The following NMBR variants were observed in gnomAD, a reference collection of about 807,000 sequenced individuals.
NMBR encodes neuromedin B receptor.
In NMBR, 16 loss-of-function variants were observed where a neutral mutation model predicts 20.5. That is an observed-to-expected ratio of 0.78 (90% CI 0.53 to 1.19). The LOEUF (loss-of-function observed/expected upper bound fraction) is 1.19. NMBR is among the 50% of genes most tolerant of loss of function. The pLI, the probability that NMBR is intolerant of heterozygous loss-of-function variation, is 0.00. For missense variants in NMBR, 582 were observed against 499.1 expected (o/e 1.17, Z -1.58); for synonymous variants, 212 against 196.6 (o/e 1.08, Z -0.65).
rs376895854 is a variant in NMBR at position 142,096,402 on chromosome 6, C to T, written c.-663-7081G>A. Reference sequence around the variant, plus strand: ...AACATCTTTATTTCTGCCTTCATTTCGTTATGTACCCAGTAGTCATTCAGG... The same window carrying T: ...AACATCTTTATTTCTGCCTTCATTTTGTTATGTACCCAGTAGTCATTCAGG... On this transcript the variant is annotated intron_variant, in intron 1 of 3. Transcript: ENST00000258042. Among the ~76,000 whole-genome samples, 198 of 152,248 alleles carry T rather than the reference C, an allele frequency of 1.3e-3. No individual in the cohort carries two copies. The East Asian group carries it at 0.022, about 17-fold the overall frequency.
At chr6:142,093,897 T>C (rs942093294) in intron 1 of NMBR, among the ~76,000 whole-genome samples, 12 of 152,064 alleles carry the variant, frequency 7.9e-5, no homozygotes, top group Non-Finnish European at 1.3e-4. Context: ...ATTTCTCTGA[T>C]GGCCAGTGAT....
rs556376921 is a variant in NMBR, at chr6:142,088,354, G to A, written c.305C>T (p.Ser102Leu). 1.9e-6 allele frequency: 3 copies of A among 1,614,030 alleles called. No homozygotes were observed. The Admixed American group carries it at 5.0e-5, about 27-fold the overall frequency. The change falls in exon 2 of 4, where the codon TCG becomes TTG. Residue 102 changes from serine (S) to leucine (L), a missense_variant. Ser to Leu is a moderately radical substitution (Grantham distance 145, BLOSUM62 -2). Transcript: ENST00000258042. ...CATCCACTCGTCGAAGAAGTAGCGCGAGGCGTCCACCGGGACGCAGGTGAG... is the reference window on the plus strand; with the variant it reads ...CATCCACTCGTCGAAGAAGTAGCGCAAGGCGTCCACCGGGACGCAGGTGAG... Reference protein sequence around the residue: ...LLLTCVPVDASRYFFDEWMFG... With the variant: ...LLLTCVPVDALRYFFDEWMFG...
intron 1 of NMBR, among the ~76,000 whole-genome samples, chr6:142,141,799 G>A (rs1008204359): frequency 1.1e-4 from 16 of 152,172 alleles, no homozygotes; most frequent in Middle Eastern, 3.4e-3. Context: ...CACCACGCCC[G>A]GCCTGAAGTT....
rs184300129 is a variant in NMBR at position 142,094,592 on chromosome 6, G to C, written c.-663-5271C>G. Among the ~76,000 whole-genome samples the C allele has an allele frequency of 2.2e-3, 338 of 152,198 alleles. 1 individual carries two copies. The highest frequency in any genetic ancestry group is 4.1e-3 in the Admixed American group (63 of 15,276). On this transcript the variant is annotated intron_variant, in intron 1 of 3. Transcript: ENST00000258042. ...TTTGAAGTCAGGTAAGGTGATGCCT[G>C]CAGCTTTGTTCTTTTGGCTTAGGAT...
At chr6:142,129,310 C>A (rs1255968747) in intron 1 of NMBR, among the ~76,000 whole-genome samples, 2 of 152,174 alleles carry the variant, frequency 1.3e-5, no homozygotes, top group African/African-American at 4.8e-5. Flanking sequence ...CCTCCTTTAT[C>A]TGAAACTAAA....
At position 142,127,667 on chromosome 6, in the gene NMBR, GTT is replaced by G. The variant is rs1261882848; in HGVS notation, c.-664+19375_-664+19376del. ...TCTGTCTTTTTTTTTCTTCATCAGT[GTT>G]TTATAATTTTCATTGTACAAGTCTT... On this transcript the variant is annotated intron_variant, in intron 1 of 3. Coordinates refer to ENST00000258042, the MANE Select transcript of NMBR (RefSeq NM_002511.4). Among the ~76,000 whole-genome samples the G allele has an allele frequency of 5.3e-5, 8 of 151,588 alleles. No individual in the cohort carries two copies. In the South Asian group the frequency reaches 1.7e-3, roughly 32 times the overall value.
At chr6:142,134,122 C>T (rs1272083747) in intron 1 of NMBR, 3 of 515,962 alleles carry the variant, frequency 5.8e-6, no homozygotes, top group African/African-American at 1.9e-5. Context: ...ATGAGAAATA[C>T]CCTAACAGGT....
chr6:142,122,393 C>T (rs225594), intron 1 of NMBR, among the ~76,000 whole-genome samples: 52,376 of 151,552 alleles, frequency 0.35, 10,139 homozygotes, highest in Middle Eastern at 0.52. Context: ...TGGTATATCA[C>T]CATACCATAT....
At chr6:142,126,732 AT>A (rs1358589046) in intron 1 of NMBR, among the ~76,000 whole-genome samples, 1 of 90,716 alleles carries the variant, frequency 1.1e-5, no homozygotes, top group African/African-American at 4.4e-5. Flanking sequence ...TTTTCTGCCC[AT>A]TTTTGAGTCA....
At chr6:142,105,962 G>A (rs1445905793) in intron 1 of NMBR, among the ~76,000 whole-genome samples, 1 of 152,092 alleles carries the variant, frequency 6.6e-6, no homozygotes, top group Non-Finnish European at 1.5e-5. Flanking sequence ...ACTTACAAAT[G>A]ATGTAGACAT....
chr6:142,077,450 T>C (rs1422494109), intron 3 of NMBR, among the ~76,000 whole-genome samples: 6 of 150,368 alleles, frequency 4.0e-5, no homozygotes, highest in South Asian at 2.1e-4. Flanking sequence ...GAACTAATTA[T>C]ATAAAATAGA....
chr6:142,077,720 T>C (rs923051303), intron 3 of NMBR, among the ~76,000 whole-genome samples: 1 of 152,222 alleles, frequency 6.6e-6, no homozygotes, highest in Non-Finnish European at 1.5e-5. Flanking sequence ...AAATTTTAAA[T>C]GATCTGCGAT....
At position 142,139,248 on chromosome 6, in the gene NMBR, T is replaced by C. The variant is rs1016694918; in HGVS notation, c.-664+7796A>G. Among the ~76,000 whole-genome samples the C allele has an allele frequency of 5.9e-5, 9 of 152,202 alleles. No homozygotes were observed. In the East Asian group the frequency reaches 1.7e-3, roughly 29 times the overall value. On this transcript the variant is annotated intron_variant, in intron 1 of 3. Coordinates refer to ENST00000258042, the MANE Select transcript of NMBR (RefSeq NM_002511.4). ...CACAGAAGACTTCCCCTTAACATTA[T>C]TGCCCAATCATAGATAAACGCTTGG...
At chr6:142,103,669 T>C (rs986442843) in intron 1 of NMBR, among the ~76,000 whole-genome samples, 2 of 152,192 alleles carry the variant, frequency 1.3e-5, no homozygotes, top group African/African-American at 2.4e-5. Flanking sequence ...CCAATTTATA[T>C]GCATAGCACT....
chr6:142,099,982 T>C (rs533633466), intron 1 of NMBR, among the ~76,000 whole-genome samples: 4 of 152,284 alleles, frequency 2.6e-5, no homozygotes, highest in South Asian at 4.1e-4. Flanking sequence ...ATCATGCCAT[T>C]AAGCAATTGC....
intron 2 of NMBR, among the ~76,000 whole-genome samples, chr6:142,081,362 A>C (rs1654316150): frequency 6.6e-6 from 1 of 152,228 alleles, no homozygotes; most frequent in Admixed American, 6.5e-5. Flanking sequence ...TAAAACAAAA[A>C]GTCTCTCATT....
chr6:142,083,703 CCATGTGAAGA>C (rs1777144693), intron 2 of NMBR, among the ~76,000 whole-genome samples: 1 of 152,104 alleles, frequency 6.6e-6, no homozygotes, highest in African/African-American at 2.4e-5. Flanking sequence ...TCTCCTGCCA[CCATGTGAAGA>C]CATGCTTGCT....
At chr6:142,080,477 A>T (rs1582835458) in intron 2 of NMBR, among the ~76,000 whole-genome samples, 1 of 151,680 alleles carries the variant, frequency 6.6e-6, no homozygotes, top group Non-Finnish European at 1.5e-5. Flanking sequence ...AGCCTAGCTA[A>T]TTTTTGTATT....
intron 1 of NMBR, among the ~76,000 whole-genome samples, chr6:142,116,654 C>A (rs1777860563): frequency 6.6e-6 from 1 of 151,964 alleles, no homozygotes; most frequent in African/African-American, 2.4e-5. Context: ...TTGTAAAGAT[C>A]TTTTTGTATC....
Sources: allele counts gnomAD v4.1 joint callset (sites outside exome capture counted in the v4.1 genomes callset), GRCh38; gene constraint gnomAD v4.1.1; transcripts MANE v1.5; gene names NCBI Gene and HGNC (gene_info 2026-07-23, HGNC 2026-07-21).